The following CNTN3 variants were observed in gnomAD, a reference collection of about 807,000 sequenced individuals.
The protein encoded by CNTN3 is contactin 3.
Under a neutral mutation model 119.1 loss-of-function variants are expected in CNTN3, and 60 were observed. The ratio of observed to expected loss-of-function variants is 0.50; its 90% CI spans 0.41 to 0.62. The LOEUF (loss-of-function observed/expected upper bound fraction) is 0.62, where lower values mean the gene tolerates loss of function less well. Ranked by LOEUF, CNTN3 falls within the 20% of genes least tolerant of loss-of-function variation. The probability of loss-of-function intolerance (pLI) is 0.00; values close to 1 mark genes in which losing one functional copy is unlikely to be tolerated. For missense variants in CNTN3, 1,101 were observed against 1,242.4 expected, an observed-to-expected ratio of 0.89 and a Z score of 1.71; for synonymous variants, 450 against 438.7, an observed-to-expected ratio of 1.03 and a Z score of -0.32.
chr3:74,533,661 T>C (rs987867520), intron 1 of CNTN3, among the ~76,000 whole-genome samples: 7 of 152,030 alleles, frequency 4.6e-5, no homozygotes, highest in Non-Finnish European at 1.0e-4. Flanking sequence ...TGGGTATTAT[T>C]ATTTGGCTTA....
rs776317605 is a variant in CNTN3, at chr3:74,486,459, C to A, written c.355G>T (p.Ala119Ser). 3 of 1,597,778 alleles carry A rather than the reference C, an allele frequency of 1.9e-6. No individual in the cohort carries two copies. Among genetic ancestry groups the A allele is most frequent in the East Asian group, 4.5e-5 (2 of 44,398 alleles). ...AGACATGTGAACATAAACTTACAGG[C>A]AAACTGAAGTTTGGCTTCTCTGCTG... The part of the protein sequence containing the change: ...IVSREAKLQF[A>S]YLENFKTKMR... The change falls in exon 4 of 23, where the codon GCC becomes TCC. Residue 119 changes from alanine (A) to serine (S), a missense_variant. Physicochemically the swap from Ala to Ser is moderately conservative, Grantham distance 99 (BLOSUM62 1). Transcript: ENST00000263665.
chr3:74,329,052 T>C (rs1424724294), intron 13 of CNTN3, among the ~76,000 whole-genome samples: 1 of 152,192 alleles, frequency 6.6e-6, no homozygotes, highest in Non-Finnish European at 1.5e-5. Context: ...TTTACATAGT[T>C]ATAAAGAGCT....
intron 13 of CNTN3, among the ~76,000 whole-genome samples, chr3:74,307,264 C>A (rs1444309911): frequency 6.6e-6 from 1 of 152,132 alleles, no homozygotes; most frequent in African/African-American, 2.4e-5. Flanking sequence ...TAGCTGACTT[C>A]AAGTTCATAT....
intron 13 of CNTN3, among the ~76,000 whole-genome samples, chr3:74,328,099 G>A (rs1703173334): frequency 6.6e-6 from 1 of 151,672 alleles, no homozygotes; most frequent in Non-Finnish European, 1.5e-5. Flanking sequence ...AAAGGAGTGT[G>A]TATTTTTTAT....
chr3:74,560,022 C>G (rs1057512364), intron 1 of CNTN3, among the ~76,000 whole-genome samples: 2 of 152,164 alleles, frequency 1.3e-5, no homozygotes, highest in African/African-American at 4.8e-5. Context: ...AACAGGCATG[C>G]TATTTCTGCA....
intron 5 of CNTN3, among the ~76,000 whole-genome samples, chr3:74,415,197 T>C (rs141670913): frequency 1.3e-5 from 2 of 152,230 alleles, no homozygotes; most frequent in East Asian, 3.9e-4. Flanking sequence ...ATCCTACCAC[T>C]GCAGACCAGT....
intron 13 of CNTN3, among the ~76,000 whole-genome samples, chr3:74,325,853 C>T (rs556198349): frequency 1.1e-4 from 16 of 152,208 alleles, no homozygotes; most frequent in African/African-American, 3.4e-4. Flanking sequence ...GTGTGTCACA[C>T]CAATCTGATC....
At chr3:74,496,576 C>CA (rs1295565007) in intron 3 of CNTN3, among the ~76,000 whole-genome samples, 1 of 151,840 alleles carries the variant, frequency 6.6e-6, no homozygotes, top group Non-Finnish European at 1.5e-5. Context: ...ATGGCATCAG[C>CA]AGCAGCGACC....
At chr3:74,400,027 T>A (rs1458084848) in intron 5 of CNTN3, among the ~76,000 whole-genome samples, 1 of 152,192 alleles carries the variant, frequency 6.6e-6, no homozygotes, top group Admixed American at 6.6e-5. Flanking sequence ...AATGACCTAG[T>A]TACACTGAAG....
chr3:74,414,845 A>T (rs1195846409), intron 5 of CNTN3, among the ~76,000 whole-genome samples: 1 of 147,596 alleles, frequency 6.8e-6, no homozygotes, highest in Non-Finnish European at 1.5e-5. Flanking sequence ...GCACAGATCA[A>T]TTCTTGGATC....
intron 1 of CNTN3, among the ~76,000 whole-genome samples, chr3:74,609,571 T>C (rs139454063): frequency 1.4e-4 from 21 of 152,200 alleles, no homozygotes; most frequent in African/African-American, 4.3e-4. Flanking sequence ...AAATGATAAT[T>C]CCATTTTGGA....
At chr3:74,530,653 T>C (rs1703680273) in intron 1 of CNTN3, among the ~76,000 whole-genome samples, 1 of 151,860 alleles carries the variant, frequency 6.6e-6, no homozygotes. Context: ...ATACATGACG[T>C]TTCCTGTGCG....
At chr3:74,521,541 C>T (rs922249320) in intron 1 of CNTN3, among the ~76,000 whole-genome samples, 3 of 151,670 alleles carry the variant, frequency 2.0e-5, no homozygotes, top group Non-Finnish European at 2.9e-5. Flanking sequence ...CGATAGCATT[C>T]TGGCAAAACT....
chr3:74,493,942 A>G (rs1439714774), intron 3 of CNTN3, among the ~76,000 whole-genome samples: 1 of 152,156 alleles, frequency 6.6e-6, no homozygotes, highest in East Asian at 1.9e-4. Flanking sequence ...AATTTTGAAC[A>G]TACATAAAAA....
At chr3:74,552,346 A>T (rs1704004312) in intron 1 of CNTN3, among the ~76,000 whole-genome samples, 1 of 152,174 alleles carries the variant, frequency 6.6e-6, no homozygotes, top group South Asian at 2.1e-4. Flanking sequence ...TTTCGGAAAG[A>T]GTATGCCTCA....
chr3:74,309,224 C>T (rs992573414), intron 13 of CNTN3, among the ~76,000 whole-genome samples: 1 of 152,148 alleles, frequency 6.6e-6, no homozygotes, highest in Non-Finnish European at 1.5e-5. Flanking sequence ...TCCACGTCAG[C>T]TTTCTGGGTA....
At chr3:74,611,931 A>G (rs1705089138) in intron 1 of CNTN3, among the ~76,000 whole-genome samples, 2 of 152,302 alleles carry the variant, frequency 1.3e-5, no homozygotes, top group Non-Finnish European at 2.9e-5. Context: ...AATATATTCC[A>G]CTACATAAAA....
At chr3:74,267,184 G>T (rs896778890) in intron 21 of CNTN3, 82 bp downstream of exon 21, 9 of 802,324 alleles carry the variant, frequency 1.1e-5, no homozygotes, top group Non-Finnish European at 1.9e-5. Flanking sequence ...TCAATATATA[G>T]AAAAATTCAC....
intron 2 of CNTN3, among the ~76,000 whole-genome samples, chr3:74,504,446 A>G (rs1703217215): frequency 6.6e-6 from 1 of 152,158 alleles, no homozygotes; most frequent in Non-Finnish European, 1.5e-5. Context: ...TTTAGGAAAA[A>G]ACTTTTAAAA....
Sources: allele counts gnomAD v4.1 joint callset (sites outside exome capture counted in the v4.1 genomes callset), GRCh38; gene constraint gnomAD v4.1.1; transcripts MANE v1.5; gene names NCBI Gene and HGNC (gene_info 2026-07-23, HGNC 2026-07-21).